The following TAF1A variants were observed in gnomAD, a reference collection of about 807,000 sequenced individuals.
TAF1A encodes the protein TATA-box binding protein associated factor, RNA polymerase I subunit A, also known as TATA box-binding protein-associated factor RNA polymerase I subunit A.
Under a neutral mutation model 61.6 loss-of-function variants are expected in TAF1A, and 42 were observed. The ratio of observed to expected loss-of-function variants is 0.68; its 90% CI spans 0.53 to 0.88. The LOEUF (loss-of-function observed/expected upper bound fraction) is 0.88, where lower values mean the gene tolerates loss of function less well. TAF1A is among the 40% of genes least tolerant of loss of function. TAF1A has a pLI of 0.00. For synonymous variants in TAF1A, 179 were observed against 177.7 expected, an observed-to-expected ratio of 1.01 and a Z score of -0.06; for missense variants, 424 against 518.7, an observed-to-expected ratio of 0.82 and a Z score of 1.77.
Position 222,577,396 on chromosome 1 carries a change from T to C in TAF1A, c.604+49A>G. On this transcript the variant is annotated intron_variant, in intron 5 of 10. Coordinates refer to ENST00000352967, the MANE Select transcript of TAF1A (RefSeq NM_005681.4). Reference sequence around the variant, plus strand: ...TTACTAGATTACTCCTTAAGATCCCTCTGCCCCTCAGTCTCATCATAAGAA... The same window carrying C: ...TTACTAGATTACTCCTTAAGATCCCCCTGCCCCTCAGTCTCATCATAAGAA... 4 of 1,493,134 alleles carry C rather than the reference T, an allele frequency of 2.7e-6. No homozygotes were observed. The South Asian group carries it at 3.5e-5, about 13-fold the overall frequency. 92.5% of individuals were successfully genotyped at this position (1,493,134 alleles called of 1,614,324 possible).
chr1:222,570,755 C>T lies in TAF1A; in HGVS notation c.605-90G>A, dbSNP rs1660319113. ...TTTAAAAAACTATCTGCGAGAAAAA[C>T]TCAGTTGCTGATAGCTACAACAGTA... On this transcript the variant is annotated intron_variant, in intron 5 of 10. Coordinates refer to ENST00000352967, the MANE Select transcript of TAF1A (RefSeq NM_005681.4). The T allele has an allele frequency of 3.9e-6, 5 of 1,291,716 alleles. No homozygotes were observed. In the South Asian group the frequency reaches 7.1e-5, roughly 18 times the overall value. 80.0% of individuals were successfully genotyped at this position (1,291,716 alleles called of 1,614,324 possible). A position where few individuals can be genotyped will look rare whatever the true frequency, so the allele number is the denominator to read the frequency against.
chr1:222,579,870 A>C lies in TAF1A; in HGVS notation c.294T>G (p.Ile98Met), dbSNP rs17163271. ...DSYKRQAAPE[I>M]IWKLGSEILF... ...GAATTTCACTTCCGAGCTTCCAAAT[A>C]ATCTGTCAAAGCAGAAATTACTGCC... The change falls in exon 4 of 11, where the codon ATT becomes ATG. Residue 98 changes from isoleucine to methionine, a missense_variant and splice_region_variant. Physicochemically the swap from Ile to Met is conservative, Grantham distance 10. Coordinates refer to ENST00000352967, the MANE Select transcript of TAF1A (RefSeq NM_005681.4). The C allele has an allele frequency of 4.5e-3, 7,128 of 1,601,684 alleles. 281 individuals carry two copies. In the African/African-American group the frequency reaches 0.086, roughly 19 times the overall value.
At chr1:222,576,466 G>C (rs1461161551) in intron 5 of TAF1A, among the ~76,000 whole-genome samples, 1 of 152,216 alleles carries the variant, frequency 6.6e-6, no homozygotes, top group African/African-American at 2.4e-5. Context: ...GTTAATCATA[G>C]AGATTAGGTT....
At chr1:222,581,616 G>A (rs190991417) in intron 3 of TAF1A, among the ~76,000 whole-genome samples, 9 of 152,310 alleles carry the variant, frequency 5.9e-5, no homozygotes, top group Non-Finnish European at 1.0e-4. Context: ...AGGACAAGGA[G>A]ATCAGGAGTG....
chr1:222,585,102 C>G (rs982210504), intron 2 of TAF1A, among the ~76,000 whole-genome samples: 24 of 152,336 alleles, frequency 1.6e-4, no homozygotes, highest in Middle Eastern at 3.4e-3. Flanking sequence ...TACACACTAT[C>G]TGAAGGTGAA....
rs1558150148 is a variant in TAF1A, at chr1:222,577,466, T to C, written c.583A>G (p.Lys195Glu). The change falls in exon 5 of 11, where the codon AAG (lysine) becomes GAG (glutamate). Residue 195 changes from lysine (K) to glutamate (E), a missense_variant. By Grantham distance (56) the Lys-to-Glu change is moderately conservative. Coordinates refer to ENST00000352967, the MANE Select transcript of TAF1A (RefSeq NM_005681.4). Reference protein sequence around the residue: ...LLQYYTWSEKKMELSKLDKDD... With the variant: ...LLQYYTWSEKEMELSKLDKDD... ...TTACCAAGCTTTGACAATTCCATCT[T>C]CTTTTCAGACCAGGTATAATACTGT... The C allele has an allele frequency of 6.2e-7, 1 of 1,613,896 alleles. No homozygotes were observed. The highest frequency in any genetic ancestry group is 8.5e-7 in the Non-Finnish European group (1 of 1,179,850).
Position 222,588,686 on chromosome 1 carries a change from T to C in TAF1A, c.-2-121A>G, listed in dbSNP as rs112556678. The C allele has an allele frequency of 1.2e-3, 1,200 of 1,026,792 alleles. 9 individuals are homozygous for C. In the African/African-American group the frequency reaches 0.018, roughly 15 times the overall value. The allele number at this position is 1,026,792 out of a possible 1,614,324, so 63.6% of individuals were successfully genotyped here. A position where few individuals can be genotyped will look rare whatever the true frequency, so the allele number is the denominator to read the frequency against. On this transcript the variant is annotated intron_variant, in intron 1 of 10. Transcript: ENST00000352967. The stretch of plus-strand genomic sequence containing the variant: ...ATAATTTGATTAGCAAAATGCATTA[T>C]ACCTGTCAGCTCTTTTAAAGTAAAA...
rs551383874 is a variant in TAF1A at position 222,571,824 on chromosome 1, T to G, written c.605-1159A>C. On this transcript the variant is annotated intron_variant, in intron 5 of 10. Transcript: ENST00000352967. The stretch of plus-strand genomic sequence containing the variant: ...TAATTCCTATCAAAAACTCGGCCTT[T>G]TTGCATAAGTTGACAGGCTGATTCT... 1.5e-4 allele frequency among the ~76,000 whole-genome samples: 23 copies of G among 152,320 alleles called. No homozygotes were observed. The East Asian group carries it at 4.2e-3, about 28-fold the overall frequency.
intron 7 of TAF1A, chr1:222,569,274 C>A: frequency 1.4e-6 from 2 of 1,422,604 alleles, no homozygotes; most frequent in South Asian, 2.8e-5. Context: ...GTATTCCAAC[C>A]AGGGTTGCAC....
At chr1:222,564,490 T>C (rs959942755) in intron 7 of TAF1A, among the ~76,000 whole-genome samples, 1 of 151,990 alleles carries the variant, frequency 6.6e-6, no homozygotes, top group African/African-American at 2.4e-5. Flanking sequence ...AAAAATCAAT[T>C]ATCACACAGA....
chr1:222,581,704 G>C (rs148354472), intron 3 of TAF1A, among the ~76,000 whole-genome samples: 242 of 152,280 alleles, frequency 1.6e-3, no homozygotes, highest in Admixed American at 3.1e-3. Context: ...CAATGAAAAG[G>C]GGCCTTGAAG....
At chr1:222,565,366 T>A (rs1016423502) in intron 7 of TAF1A, among the ~76,000 whole-genome samples, 5 of 152,250 alleles carry the variant, frequency 3.3e-5, no homozygotes, top group Non-Finnish European at 7.3e-5. Context: ...CTATGTCCAA[T>A]CTGCTATTAA....
chr1:222,578,390 T>A (rs1660655030), intron 4 of TAF1A, among the ~76,000 whole-genome samples: 1 of 152,214 alleles, frequency 6.6e-6, no homozygotes, highest in African/African-American at 2.4e-5. Flanking sequence ...ATCTTGTTAG[T>A]CATTTGCATA....
chr1:222,588,010 T>A (rs1661087068), intron 2 of TAF1A, among the ~76,000 whole-genome samples: 1 of 151,316 alleles, frequency 6.6e-6, no homozygotes, highest in African/African-American at 2.4e-5. Flanking sequence ...ATCTAGCCAC[T>A]GCACTCCAGC....
downstream of TAF1A, among the ~76,000 whole-genome samples, chr1:222,554,896 T>A (rs141249233): frequency 2.4e-3 from 372 of 152,326 alleles, 1 homozygote; most frequent in African/African-American, 8.6e-3. Context: ...ACATTCCATA[T>A]AATTAATCAG....
chr1:222,577,746 G>A (rs1660632602), intron 4 of TAF1A, 103 bp from the exon 5 acceptor site: 5 of 1,031,312 alleles, frequency 4.8e-6, no homozygotes, highest in Non-Finnish European at 7.2e-6. Context: ...ACCTTGGTAG[G>A]ATACAAATAA....
In TAF1A at chr1:222,558,757, C is replaced by T. The variant is rs1345783834; in HGVS notation, c.1256G>A (p.Arg419Gln). The T allele has an allele frequency of 2.2e-5, 33 of 1,523,842 alleles. No individual in the cohort carries two copies. The highest frequency in any genetic ancestry group is 1.8e-4 in the Middle Eastern group (1 of 5,704). 94.4% of individuals were successfully genotyped at this position (1,523,842 alleles called of 1,614,324 possible). ...TTGGTGATCTTGCTTTAAAATATAC[C>T]GGAAATATCTACAACCTAAAAAGTT... ...LLLGKGCRYFRYILKQDHQIL... is the reference protein window; with the variant it reads ...LLLGKGCRYFQYILKQDHQIL... Residue 419 changes from arginine (R) to glutamine (Q), a missense_variant, in exon 11 of 11, where the codon CGG becomes CAG. Arg to Gln is a conservative substitution (Grantham distance 43). Coordinates refer to ENST00000352967, the MANE Select transcript of TAF1A (RefSeq NM_005681.4).
At chr1:222,588,650 A>G in intron 1 of TAF1A, 85 bp from the exon 2 acceptor site, 3 of 1,382,226 alleles carry the variant, frequency 2.2e-6, no homozygotes, top group Non-Finnish European at 2.9e-6. Flanking sequence ...CTATCTTTTT[A>G]TCTAATAAAT....
intron 9 of TAF1A, 92 bp from the exon 10 acceptor site, chr1:222,561,610 G>T: frequency 7.9e-7 from 1 of 1,263,840 alleles, no homozygotes; most frequent in Non-Finnish European, 1.1e-6. Flanking sequence ...ACAGAAAGAT[G>T]ACAAGGAAGA....
Sources: allele counts gnomAD v4.1 joint callset (sites outside exome capture counted in the v4.1 genomes callset), GRCh38; gene constraint gnomAD v4.1.1; transcripts MANE v1.5; gene names NCBI Gene and HGNC (gene_info 2026-07-23, HGNC 2026-07-21).